The following FRMPD4 variants were observed in gnomAD, a reference collection of about 807,000 sequenced individuals.
FRMPD4 encodes FERM and PDZ domain-containing protein 4.
A neutral mutation model predicts 94.1 loss-of-function variants in FRMPD4; 22 were observed. The observed-to-expected ratio is 0.23, with a 90% CI of 0.17 to 0.33. The LOEUF (loss-of-function observed/expected upper bound fraction) is 0.33. Among genes scored for constraint, FRMPD4 ranks in the 10% least tolerant of loss-of-function variants. The pLI, the probability that FRMPD4 is intolerant of heterozygous loss-of-function variation, is 1.00. For synonymous variants in FRMPD4, 631 were observed against 548.6 expected (o/e 1.15, Z -2.10); for missense variants, 1,111 against 1,339.9 (o/e 0.83, Z 2.67).
intron 1 of FRMPD4, among the ~76,000 whole-genome samples, chrX:12,380,784 CA>C (rs1010453229): frequency 8.9e-6 from 1 of 112,201 alleles, no homozygotes; most frequent in Non-Finnish European, 1.9e-5. Context: ...ATTTACAGAG[CA>C]GCCTTTTGTG....
intron 1 of FRMPD4, among the ~76,000 whole-genome samples, chrX:12,491,241 C>T (rs2057790286): frequency 9.0e-6 from 1 of 111,290 alleles, no homozygotes; most frequent in African/African-American, 3.3e-5. Flanking sequence ...GAAAAATATA[C>T]AAAATTTAAA....
At chrX:12,491,148 T>C (rs1300665426) in intron 1 of FRMPD4, among the ~76,000 whole-genome samples, 1 of 111,285 alleles carries the variant, frequency 9.0e-6, no homozygotes, top group Non-Finnish European at 1.9e-5. Flanking sequence ...CCACCAAGAA[T>C]CCACATGGAA....
At chrX:12,541,995 G>A (rs1406089604) in intron 2 of FRMPD4, among the ~76,000 whole-genome samples, 1 of 112,052 alleles carries the variant, frequency 8.9e-6, no homozygotes, top group African/African-American at 3.2e-5. Context: ...AAAACCACAT[G>A]ATTATCTCAA....
chrX:11,891,989 A>G (rs749358731), intron 3 of FRMPD4, among the ~76,000 whole-genome samples: 65 of 112,423 alleles, frequency 5.8e-4, no homozygotes, highest in Non-Finnish European at 1.0e-3. Context: ...AAATATCCTA[A>G]CAGTCATTTT....
intron 1 of FRMPD4, among the ~76,000 whole-genome samples, chrX:12,209,598 T>C (rs2056732920): frequency 8.9e-6 from 1 of 112,358 alleles, no homozygotes; most frequent in Non-Finnish European, 1.9e-5. Flanking sequence ...CCTGCAGTAG[T>C]ATGTGAAGGG....
rs373258245 is a variant in FRMPD4, at chrX:12,020,074, G to T, written c.95+142056G>T. ...TTTGAACACGTGACATCTAGCTCCA[G>T]AGCTTATGTTTAACCACCGTACCCT... On this transcript the variant is annotated intron_variant, in intron 3 of 18. Transcript: ENST00000640291. 2.0e-4 allele frequency among the ~76,000 whole-genome samples: 22 copies of T among 111,664 alleles called. 2 individuals are homozygous for T. Among genetic ancestry groups the T allele is most frequent in the Admixed American group, 1.5e-3 (16 of 10,535 alleles).
intron 3 of FRMPD4, among the ~76,000 whole-genome samples, chrX:12,038,391 CTTAT>C (rs1270861640): frequency 8.9e-6 from 1 of 111,985 alleles, no homozygotes; most frequent in African/African-American, 3.2e-5. Context: ...CTTTTAGCAG[CTTAT>C]TTGAGTTGTA....
At position 11,935,072 on chromosome X, in the gene FRMPD4, A is replaced by ATTT. The variant is rs753999126; in HGVS notation, c.95+57075_95+57077dup. On this transcript the variant is annotated intron_variant, in intron 3 of 18. Coordinates refer to the FRMPD4 transcript ENST00000640291. The stretch of plus-strand genomic sequence containing the variant: ...GGATTTCTAGCAGCAACTATTGGTG[A>ATTT]TTTTTTTTTTTTTTTTTTTTTTTAA... 5.6e-3 allele frequency among the ~76,000 whole-genome samples: 224 copies of ATTT among 40,211 alleles called. 18 individuals are homozygous for ATTT. Among genetic ancestry groups the ATTT allele is most frequent in the African/African-American group, 0.017 (142 of 8,285 alleles). 34.9% of individuals were successfully genotyped at this position (40,211 alleles called of 115,157 possible).
At chrX:12,243,082 A>G (rs7885878) in intron 1 of FRMPD4, among the ~76,000 whole-genome samples, 1 of 111,729 alleles carries the variant, frequency 9.0e-6, no homozygotes. Context: ...GGATCTCTCT[A>G]TGTTACCCAG....
chrX:12,510,529 C>T (rs758450361), intron 2 of FRMPD4, among the ~76,000 whole-genome samples: 20 of 111,951 alleles, frequency 1.8e-4, no homozygotes, highest in African/African-American at 4.5e-4. Context: ...TAGGAAGCTT[C>T]AGTTCCTCAT....
chrX:12,064,080 A>T (rs967823998), intron 3 of FRMPD4, among the ~76,000 whole-genome samples: 1 of 112,011 alleles, frequency 8.9e-6, no homozygotes, highest in Non-Finnish European at 1.9e-5. Context: ...AAAGCAATTG[A>T]CACATTGGCA....
chrX:12,444,202 A>T (rs1489512309), intron 1 of FRMPD4, among the ~76,000 whole-genome samples: 1 of 111,539 alleles, frequency 9.0e-6, no homozygotes, highest in Non-Finnish European at 1.9e-5. Flanking sequence ...ATATGGGGAA[A>T]TAAGCAGATC....
chrX:12,703,220 AG>A (rs754147804), intron 10 of FRMPD4, among the ~76,000 whole-genome samples: 19 of 112,731 alleles, frequency 1.7e-4, no homozygotes, highest in African/African-American at 6.1e-4. Flanking sequence ...TTAGGATAGT[AG>A]AAAATACTAA....
At chrX:12,311,464 C>T (rs915437282) in intron 1 of FRMPD4, among the ~76,000 whole-genome samples, 2 of 111,683 alleles carry the variant, frequency 1.8e-5, no homozygotes, top group Non-Finnish European at 3.8e-5. Context: ...TGGAGTTACC[C>T]AAATATATTT....
intron 1 of FRMPD4, among the ~76,000 whole-genome samples, chrX:12,257,468 A>G (rs2054130346): frequency 9.0e-6 from 1 of 111,706 alleles, no homozygotes; most frequent in Non-Finnish European, 1.9e-5. Flanking sequence ...TTATCTTGTC[A>G]TTTCCAGTTT....
At chrX:12,194,417 T>C (rs1474926387) in intron 1 of FRMPD4, among the ~76,000 whole-genome samples, 1 of 94,586 alleles carries the variant, frequency 1.1e-5, no homozygotes, top group Non-Finnish European at 2.3e-5. Flanking sequence ...ACTGTTTTGT[T>C]CTAGTTATTA....
intron 3 of FRMPD4, among the ~76,000 whole-genome samples, chrX:11,942,432 G>A (rs774025723): frequency 9.0e-6 from 1 of 111,093 alleles, no homozygotes; most frequent in African/African-American, 3.3e-5. Flanking sequence ...TACTTAAAGT[G>A]TAATGACTTA....
chrX:12,583,406 C>G, intron 2 of FRMPD4: 1 of 1,127,400 alleles, frequency 8.9e-7, no homozygotes. Context: ...CAGTACTGGG[C>G]ACACTCACCG....
chrX:12,228,072 T>C (rs752646705), intron 1 of FRMPD4, among the ~76,000 whole-genome samples: 5 of 112,548 alleles, frequency 4.4e-5, no homozygotes, highest in Non-Finnish European at 5.6e-5. Flanking sequence ...ATTGCAGTGC[T>C]CCCAAAGTGT....
Sources: gnomAD v4.1 joint callset for allele counts (sites outside exome capture counted in the v4.1 genomes callset) on GRCh38, gnomAD v4.1.1 for gene constraint, MANE v1.5 for transcripts, NCBI Gene and HGNC (gene_info 2026-07-23, HGNC 2026-07-21) for gene names.